CCDC171: variants seen among roughly 807,000 people sequenced by gnomAD.
The protein encoded by CCDC171 is coiled-coil domain-containing protein 171.
CCDC171 carries 177 observed loss-of-function variants against 168.2 expected under a neutral mutation model. The ratio of observed to expected loss-of-function variants is 1.05; its 90% CI spans 0.93 to 1.19. The LOEUF (loss-of-function observed/expected upper bound fraction) is 1.19. Among genes scored for constraint, CCDC171 ranks in the 50% most tolerant of loss-of-function variants. The pLI is 0.00. For synonymous variants in CCDC171, 687 were observed against 540.8 expected, an observed-to-expected ratio of 1.27 and a Z score of -3.75; for missense variants, 1,991 against 1,539.0, an observed-to-expected ratio of 1.29 and a Z score of -4.91.
intron 6 of CCDC171, among the ~76,000 whole-genome samples, chr9:15,614,377 G>A (rs1387366583): frequency 6.6e-6 from 1 of 152,154 alleles, no homozygotes; most frequent in South Asian, 2.1e-4. Context: ...GAAGCAATCA[G>A]GAGCTGGTGG....
chr9:15,796,572 T>C (rs184944451), intron 21 of CCDC171, among the ~76,000 whole-genome samples: 1 of 152,230 alleles, frequency 6.6e-6, no homozygotes, highest in Admixed American at 6.5e-5. Context: ...TATATATAGC[T>C]CAGTGCCTTT....
chr9:15,728,949 A>G (rs1047849961), intron 15 of CCDC171, among the ~76,000 whole-genome samples: 2 of 152,184 alleles, frequency 1.3e-5, no homozygotes, highest in African/African-American at 4.8e-5. Flanking sequence ...CCTATTGACA[A>G]ACACAACCAT....
chr9:15,944,199 T>C (rs879607282), intron 25 of CCDC171, among the ~76,000 whole-genome samples: 19 of 152,022 alleles, frequency 1.2e-4, no homozygotes, highest in Non-Finnish European at 2.4e-4. Flanking sequence ...CATCTAGTTA[T>C]TAAACCAAAG....
chr9:15,800,873 T>C (rs1036885296), intron 21 of CCDC171, among the ~76,000 whole-genome samples: 4 of 152,084 alleles, frequency 2.6e-5, no homozygotes, highest in Non-Finnish European at 5.9e-5. Context: ...AGAAACTATC[T>C]TTTCCCAAGT....
At chr9:15,931,452 C>CT (rs1826490487) in intron 25 of CCDC171, among the ~76,000 whole-genome samples, 1 of 75,946 alleles carries the variant, frequency 1.3e-5, no homozygotes. Flanking sequence ...TTCTTTCTTT[C>CT]TTTCTTTTTT....
At chr9:15,766,483 C>T (rs11998843) in intron 18 of CCDC171, among the ~76,000 whole-genome samples, 18 of 151,070 alleles carry the variant, frequency 1.2e-4, no homozygotes, top group Admixed American at 6.6e-5. Flanking sequence ...TTCCATATTG[C>T]AATAAATTAA....
chr9:16,046,431 A>G (rs1179419792), intron 1 of CCDC171, among the ~76,000 whole-genome samples: 1 of 152,186 alleles, frequency 6.6e-6, no homozygotes, highest in African/African-American at 2.4e-5. Flanking sequence ...TGCCACTGAT[A>G]GTATTTTGGA....
intron 25 of CCDC171, among the ~76,000 whole-genome samples, chr9:15,966,300 A>G (rs928215364): frequency 2.0e-5 from 3 of 152,188 alleles, no homozygotes; most frequent in Admixed American, 1.3e-4. Flanking sequence ...AAAGAGCAGA[A>G]TTGGACAGAC....
intron 24 of CCDC171, among the ~76,000 whole-genome samples, chr9:15,915,438 G>A (rs1824364401): frequency 6.6e-6 from 1 of 151,990 alleles, no homozygotes; most frequent in Non-Finnish European, 1.5e-5. Context: ...TGGGTGTATG[G>A]AAATGCTGCT....
At chr9:16,033,364 C>G (rs1395609714) in intron 6 of CCDC171, among the ~76,000 whole-genome samples, 2 of 152,204 alleles carry the variant, frequency 1.3e-5, no homozygotes, top group Non-Finnish European at 1.5e-5. Flanking sequence ...CTCCATCGCT[C>G]ACATTACGGC....
At chr9:15,569,846 C>CAAAAAAAAAA (rs1314811546) in intron 2 of CCDC171, among the ~76,000 whole-genome samples, 1 of 139,726 alleles carries the variant, frequency 7.2e-6, no homozygotes, top group African/African-American at 2.7e-5. Context: ...AACAAACAAA[C>CAAAAAAAAAA]AAAAAAAAAA....
chr9:16,041,101 T>C (rs1017690057), upstream of CCDC171, among the ~76,000 whole-genome samples: 4 of 152,168 alleles, frequency 2.6e-5, no homozygotes, highest in African/African-American at 7.2e-5. Flanking sequence ...AGATGTTTAA[T>C]GAAAGTTCAA....
intron 25 of CCDC171, among the ~76,000 whole-genome samples, chr9:15,940,030 T>C (rs1049771174): frequency 6.6e-5 from 10 of 151,928 alleles, no homozygotes; most frequent in African/African-American, 2.4e-4. Context: ...AAAAATACTT[T>C]TGCTTTACTC....
intron 11 of CCDC171, among the ~76,000 whole-genome samples, chr9:15,698,409 T>C (rs1279235959): frequency 6.6e-6 from 1 of 151,542 alleles, no homozygotes; most frequent in Non-Finnish European, 1.5e-5. Context: ...TAGTCCCAGC[T>C]ACTCGGGAGG....
At chr9:16,022,343 C>T (rs987602747) in exon 5 of CCDC171, 2 of 152,208 alleles carry the variant, frequency 1.3e-5, no homozygotes, top group African/African-American at 4.8e-5. Flanking sequence ...ATGGTATTAT[C>T]ATGCTAATGT....
intron 6 of CCDC171, among the ~76,000 whole-genome samples, chr9:15,612,832 G>A (rs276438): frequency 0.065 from 9,946 of 152,148 alleles, 438 homozygotes; most frequent in African/African-American, 0.13. Flanking sequence ...GTTCTTACCT[G>A]TCTTACTAGT....
chr9:15,864,315 CTTTT>C (rs959196020), intron 23 of CCDC171, among the ~76,000 whole-genome samples: 2 of 151,840 alleles, frequency 1.3e-5, no homozygotes, highest in Non-Finnish European at 2.9e-5. Flanking sequence ...ATTATTATTT[CTTTT>C]TTTATTATAC....
At chr9:15,935,906 A>G (rs1434537369) in intron 25 of CCDC171, among the ~76,000 whole-genome samples, 1 of 152,114 alleles carries the variant, frequency 6.6e-6, no homozygotes, top group Non-Finnish European at 1.5e-5. Flanking sequence ...TCCAGTGACT[A>G]GTGCCTTCAT....
At chr9:15,893,524 CA>C (rs764155169) in intron 24 of CCDC171, among the ~76,000 whole-genome samples, 1 of 151,968 alleles carries the variant, frequency 6.6e-6, no homozygotes, top group Non-Finnish European at 1.5e-5. Flanking sequence ...AAAATTTTTG[CA>C]ATTCATCTGA....
Sources: gnomAD v4.1 joint callset for allele counts (sites outside exome capture counted in the v4.1 genomes callset) on GRCh38, gnomAD v4.1.1 for gene constraint, MANE v1.5 for transcripts, NCBI Gene and HGNC (gene_info 2026-07-23, HGNC 2026-07-21) for gene names.